GPC5: variants seen among roughly 807,000 people sequenced by gnomAD.
GPC5 encodes glypican-5.
Under a neutral mutation model 53.9 loss-of-function variants are expected in GPC5, and 47 were observed. The observed-to-expected ratio is 0.87, with a 90% CI of 0.69 to 1.11. The LOEUF is 1.11. Ranked by LOEUF, GPC5 falls within the 50% of genes most tolerant of loss-of-function variation. GPC5 has a pLI of 0.00. For synonymous variants in GPC5, 286 were observed against 263.3 expected (o/e 1.09, Z -0.84); for missense variants, 748 against 713.1 (o/e 1.05, Z -0.56).
chr13:92,517,158 T>G (rs1880823496), intron 7 of GPC5, among the ~76,000 whole-genome samples: 1 of 151,840 alleles, frequency 6.6e-6, no homozygotes, highest in South Asian at 2.1e-4. Context: ...CTGAGGCTTG[T>G]GTAGGTAAAT....
chr13:91,509,843 G>T (rs1176172979), intron 2 of GPC5, among the ~76,000 whole-genome samples: 2 of 151,966 alleles, frequency 1.3e-5, no homozygotes, highest in Admixed American at 1.3e-4. Flanking sequence ...AGAAGCTTGA[G>T]TACACAAGAT....
intron 7 of GPC5, among the ~76,000 whole-genome samples, chr13:92,704,947 A>G (rs941713323): frequency 6.6e-6 from 1 of 150,646 alleles, no homozygotes; most frequent in Non-Finnish European, 1.5e-5. Context: ...GAATACATGT[A>G]TGTGTCTAAA....
intron 7 of GPC5, among the ~76,000 whole-genome samples, chr13:92,215,422 A>G (rs2042402848): frequency 6.6e-6 from 1 of 152,208 alleles, no homozygotes; most frequent in African/African-American, 2.4e-5. Context: ...TAATACATCA[A>G]CATTTGCTAT....
At chr13:92,801,130 A>AGT (rs1170517230) in intron 7 of GPC5, among the ~76,000 whole-genome samples, 5 of 151,060 alleles carry the variant, frequency 3.3e-5, no homozygotes, top group Middle Eastern at 3.2e-3. Context: ...GTGTGTGTGT[A>AGT]GTGTGTGTGT....
chr13:92,743,737 C>T (rs1889168056), intron 7 of GPC5, among the ~76,000 whole-genome samples: 1 of 152,054 alleles, frequency 6.6e-6, no homozygotes, highest in South Asian at 2.1e-4. Flanking sequence ...ATAAATAGCT[C>T]TTATTATTTT....
intron 7 of GPC5, among the ~76,000 whole-genome samples, chr13:92,313,056 G>C (rs1406990618): frequency 6.6e-6 from 1 of 151,978 alleles, no homozygotes; most frequent in African/African-American, 2.4e-5. Flanking sequence ...TAATGATGTG[G>C]ACCACCTACT....
intron 7 of GPC5, among the ~76,000 whole-genome samples, chr13:92,757,124 C>A (rs1874915442): frequency 6.6e-6 from 1 of 151,826 alleles, no homozygotes; most frequent in Non-Finnish European, 1.5e-5. Context: ...GTACTGGTAC[C>A]AAAACAGAGA....
intron 5 of GPC5, among the ~76,000 whole-genome samples, chr13:91,864,575 A>C (rs1304944785): frequency 3.3e-5 from 5 of 152,192 alleles, no homozygotes; most frequent in African/African-American, 1.2e-4. Context: ...CTTTAGAAAA[A>C]TAAACTTAGG....
At chr13:92,793,252 C>T (rs1360668930) in intron 7 of GPC5, among the ~76,000 whole-genome samples, 1 of 152,116 alleles carries the variant, frequency 6.6e-6, no homozygotes, top group Non-Finnish European at 1.5e-5. Context: ...CACACAACTG[C>T]ATGGAAACTG....
At chr13:92,640,438 T>G (rs1885557428) in intron 7 of GPC5, among the ~76,000 whole-genome samples, 1 of 152,110 alleles carries the variant, frequency 6.6e-6, no homozygotes. Flanking sequence ...TTTTTTGTAT[T>G]TTTAGTAGAG....
At chr13:92,552,051 A>T (rs1882336446) in intron 7 of GPC5, among the ~76,000 whole-genome samples, 2 of 151,974 alleles carry the variant, frequency 1.3e-5, no homozygotes, top group Non-Finnish European at 2.9e-5. Context: ...AAAAAGCAAA[A>T]TACTGTAAAT....
intron 7 of GPC5, among the ~76,000 whole-genome samples, chr13:92,661,970 A>G (rs189065515): frequency 1.2e-4 from 18 of 152,174 alleles, no homozygotes; most frequent in Admixed American, 6.5e-4. Flanking sequence ...TCCCCATTCC[A>G]TATTCAGCTC....
intron 7 of GPC5, among the ~76,000 whole-genome samples, chr13:92,862,513 A>G (rs1182769049): frequency 6.6e-6 from 1 of 152,100 alleles, no homozygotes; most frequent in Admixed American, 6.6e-5. Flanking sequence ...GGAATGGTGA[A>G]AAAGATACCT....
intron 7 of GPC5, among the ~76,000 whole-genome samples, chr13:92,722,785 G>C (rs754107139): frequency 6.6e-6 from 1 of 151,700 alleles, no homozygotes; most frequent in Non-Finnish European, 1.5e-5. Flanking sequence ...GTTTAGGAAA[G>C]TCTAAACTCA....
intron 7 of GPC5, among the ~76,000 whole-genome samples, chr13:92,617,885 T>G (rs1349473549): frequency 6.6e-6 from 1 of 152,160 alleles, no homozygotes; most frequent in East Asian, 1.9e-4. Context: ...GTGCACAACG[T>G]GCAGGTTTGT....
chr13:92,354,670 G>A (rs576770693), intron 7 of GPC5, among the ~76,000 whole-genome samples: 16 of 152,220 alleles, frequency 1.1e-4, no homozygotes, highest in African/African-American at 3.6e-4. Flanking sequence ...GAATGAATTG[G>A]GAAGCTACTG....
chr13:91,793,277 A>T (rs1181238480), intron 5 of GPC5, among the ~76,000 whole-genome samples: 1 of 152,108 alleles, frequency 6.6e-6, no homozygotes, highest in African/African-American at 2.4e-5. Flanking sequence ...CTTATTCACT[A>T]TCACAAGAAC....
At chr13:92,368,770 G>C (rs2043627078) in intron 7 of GPC5, among the ~76,000 whole-genome samples, 1 of 151,302 alleles carries the variant, frequency 6.6e-6, no homozygotes, top group Admixed American at 6.6e-5. Flanking sequence ...TCAAACTGCT[G>C]TAAAAGATTG....
chr13:92,029,385 A>G (rs1206811591), intron 6 of GPC5, among the ~76,000 whole-genome samples: 2 of 152,202 alleles, frequency 1.3e-5, no homozygotes, highest in Non-Finnish European at 2.9e-5. Flanking sequence ...ATTTCTTGAC[A>G]TTCAACTGCT....
Sources: gnomAD v4.1 joint callset for allele counts (sites outside exome capture counted in the v4.1 genomes callset) on GRCh38, gnomAD v4.1.1 for gene constraint, MANE v1.5 for transcripts, NCBI Gene and HGNC (gene_info 2026-07-23, HGNC 2026-07-21) for gene names.